Variants in KIAA1549L observed in about 807,000 individuals in gnomAD.
KIAA1549L encodes KIAA1549 like.
Under a neutral mutation model 160.7 loss-of-function variants are expected in KIAA1549L, and 88 were observed. The ratio of observed to expected loss-of-function variants is 0.55; its 90% confidence interval spans 0.46 to 0.65. The LOEUF (loss-of-function observed/expected upper bound fraction) is 0.65, where lower values mean the gene tolerates loss of function less well. KIAA1549L is among the 30% of genes least tolerant of loss of function. KIAA1549L has a pLI of 0.00. For synonymous variants in KIAA1549L, 950 were observed against 976.7 expected, an observed-to-expected ratio of 0.97 and a Z score of 0.51; for missense variants, 2,258 against 2,437.5, an observed-to-expected ratio of 0.93 and a Z score of 1.55.
chr11:33,492,125 G>T (rs1000361452), intron 1 of KIAA1549L, among the ~76,000 whole-genome samples: 4 of 152,166 alleles, frequency 2.6e-5, no homozygotes, highest in Admixed American at 6.5e-5. Context: ...CCAGCACTTT[G>T]AGAGGCCAAG....
intron 3 of KIAA1549L, among the ~76,000 whole-genome samples, chr11:33,547,132 A>G (rs941924713): frequency 4.6e-5 from 7 of 152,208 alleles, no homozygotes; most frequent in Admixed American, 4.6e-4. Flanking sequence ...AGAGTGGGTG[A>G]GGGCAATCTC....
rs545394497 is a variant in KIAA1549L, at chr11:33,527,972, A to G, written c.239-13830A>G. ...GAGCCTTTCCTGTGCTGTTCTCATG[A>G]TAGTGAATAAGTCTCACGAAATCTG... On this transcript the variant is annotated intron_variant, in intron 1 of 20. Transcript: ENST00000658780. Among the ~76,000 whole-genome samples the G allele has an allele frequency of 5.9e-5, 9 of 152,260 alleles. No individual in the cohort carries two copies. In the South Asian group the frequency reaches 1.0e-3, roughly 18 times the overall value.
intron 1 of KIAA1549L, among the ~76,000 whole-genome samples, chr11:33,523,643 C>T (rs1853547014): frequency 6.6e-6 from 1 of 152,196 alleles, no homozygotes; most frequent in African/African-American, 2.4e-5. Flanking sequence ...TGAGAAAACA[C>T]TGAGTCCTGA....
chr11:33,449,547 G>A (rs1268265259), intron 1 of KIAA1549L, among the ~76,000 whole-genome samples: 2 of 152,168 alleles, frequency 1.3e-5, no homozygotes, highest in African/African-American at 4.8e-5. Context: ...ATTCTTCTGT[G>A]ACTCTCTGTT....
chr11:33,383,763 C>T (rs1350460916), intron 1 of KIAA1549L, among the ~76,000 whole-genome samples: 1 of 152,112 alleles, frequency 6.6e-6, no homozygotes, highest in African/African-American at 2.4e-5. Flanking sequence ...CTGCGTTGCT[C>T]AAAGAGGCAG....
At chr11:33,564,354 C>T (rs1590348229) in intron 8 of KIAA1549L, among the ~76,000 whole-genome samples, 1 of 152,238 alleles carries the variant, frequency 6.6e-6, no homozygotes. Flanking sequence ...AGCAAATTCT[C>T]TTTTCTATAG....
At chr11:33,634,503 C>T (rs1351564065) in intron 16 of KIAA1549L, among the ~76,000 whole-genome samples, 2 of 152,154 alleles carry the variant, frequency 1.3e-5, no homozygotes, top group Non-Finnish European at 2.9e-5. Flanking sequence ...CAGGGTGGGA[C>T]AGTGGTTGCA....
chr11:33,519,269 T>G (rs1033046668), intron 1 of KIAA1549L, among the ~76,000 whole-genome samples: 1 of 152,164 alleles, frequency 6.6e-6, no homozygotes, highest in Non-Finnish European at 1.5e-5. Context: ...CCATTTTTTT[T>G]GAGAGAGTAG....
At chr11:33,438,899 T>C (rs1851434974) in intron 1 of KIAA1549L, among the ~76,000 whole-genome samples, 1 of 151,390 alleles carries the variant, frequency 6.6e-6, no homozygotes, top group African/African-American at 2.4e-5. Context: ...AAGCTTAGAA[T>C]CTTTGTCAGC....
chr11:33,419,889 CATACATACATACATACATATAT>C (rs1345247694), intron 1 of KIAA1549L, among the ~76,000 whole-genome samples: 38 of 104,818 alleles, frequency 3.6e-4, no homozygotes, highest in Middle Eastern at 4.6e-3. Context: ...TACATACATA[CATACATACATACATACATATAT>C]ATATATGAAT....
intron 1 of KIAA1549L, among the ~76,000 whole-genome samples, chr11:33,469,036 A>C (rs1198532256): frequency 6.6e-6 from 1 of 152,164 alleles, no homozygotes; most frequent in Non-Finnish European, 1.5e-5. Context: ...TCATGACTTT[A>C]TTGACATATA....
At chr11:33,394,414 TAAATAAACAAACAATAAAC>T (rs1033544470) in intron 1 of KIAA1549L, among the ~76,000 whole-genome samples, 6 of 25,794 alleles carry the variant, frequency 2.3e-4, no homozygotes, top group African/African-American at 3.6e-4. Context: ...AATAAATAAA[TAAATAAACAAACAATAAAC>T]AATAAACACT....
chr11:33,581,974 C>G (rs897202590), intron 10 of KIAA1549L, among the ~76,000 whole-genome samples: 18 of 152,080 alleles, frequency 1.2e-4, no homozygotes, highest in Admixed American at 1.0e-3. Context: ...AGGGTATACA[C>G]TGATATACTG....
chr11:33,511,231 G>A (rs1853220687), intron 1 of KIAA1549L, among the ~76,000 whole-genome samples: 1 of 152,160 alleles, frequency 6.6e-6, no homozygotes, highest in East Asian at 1.9e-4. Flanking sequence ...GTGACTTTGG[G>A]TGAGATCCTG....
chr11:33,415,893 G>A (rs1850878245), intron 1 of KIAA1549L, among the ~76,000 whole-genome samples: 1 of 150,270 alleles, frequency 6.7e-6, no homozygotes, highest in African/African-American at 2.5e-5. Context: ...GAGTGCAGTG[G>A]CGTGATCTCG....
chr11:33,447,704 T>C (rs1223017589), intron 1 of KIAA1549L, among the ~76,000 whole-genome samples: 1 of 151,970 alleles, frequency 6.6e-6, no homozygotes, highest in South Asian at 2.1e-4. Context: ...TACCTGGCAT[T>C]ATGTTGTATT....
intron 19 of KIAA1549L, among the ~76,000 whole-genome samples, chr11:33,660,522 G>A (rs1294482722): frequency 4.0e-5 from 6 of 151,746 alleles, no homozygotes; most frequent in Admixed American, 1.3e-4. Flanking sequence ...CCAAGATCGC[G>A]ACACTGCACT....
chr11:33,486,836 C>G (rs1852539247), intron 1 of KIAA1549L, among the ~76,000 whole-genome samples: 1 of 152,194 alleles, frequency 6.6e-6, no homozygotes, highest in South Asian at 2.1e-4. Context: ...AGAAGCCCCA[C>G]TGCTGATGAT....
At chr11:33,494,271 T>G (rs1852763261) in intron 1 of KIAA1549L, among the ~76,000 whole-genome samples, 1 of 152,220 alleles carries the variant, frequency 6.6e-6, no homozygotes, top group African/African-American at 2.4e-5. Context: ...AAACCAAAAC[T>G]TAATGGATTT....
Sources: gnomAD v4.1 joint callset for allele counts (sites outside exome capture counted in the v4.1 genomes callset) on GRCh38, gnomAD v4.1.1 for gene constraint, MANE v1.5 for transcripts, NCBI Gene and HGNC (gene_info 2026-07-23, HGNC 2026-07-21) for gene names.